Variants in SETD6 observed in about 807,000 individuals in gnomAD.
SETD6 encodes the protein SET domain containing 6, protein lysine methyltransferase, also known as N-lysine methyltransferase SETD6.
SETD6 carries 67 observed loss-of-function variants against 52.7 expected under a neutral mutation model. That is an observed-to-expected ratio of 1.27 (90% confidence interval 1.04 to 1.56). The LOEUF (loss-of-function observed/expected upper bound fraction) is 1.56, where lower values mean the gene tolerates loss of function less well. SETD6 is among the 40% of genes most tolerant of loss of function. The pLI, the probability that SETD6 is intolerant of heterozygous loss-of-function variation, is 0.00. For missense variants in SETD6, 712 were observed against 607.5 expected, an observed-to-expected ratio of 1.17 and a Z score of -1.81; for synonymous variants, 307 against 250.2, an observed-to-expected ratio of 1.23 and a Z score of -2.14.
Position 58,516,466 on chromosome 16 carries a change from G to A in SETD6, c.477-12G>A. 6.2e-7 allele frequency: 1 copy of A among 1,613,804 alleles called. No individual in the cohort carries two copies. ...AGGAATGAAGGGAACCTGGGTGTGG[G>A]TGTCCCTGCAGGCCAGAGGAGGAGC... On this transcript the variant is annotated splice_polypyrimidine_tract_variant and intron_variant, in intron 3 of 7. Coordinates refer to ENST00000219315, the MANE Select transcript of SETD6 (RefSeq NM_001160305.4).
At position 58,522,150 on chromosome 16, in the gene SETD6, T is replaced by G. The variant is rs1366077762; in HGVS notation, c.*3121T>G. 6.9e-6 allele frequency among the ~76,000 whole-genome samples: 1 copy of G among 145,790 alleles called. No homozygotes were observed. The highest frequency in any genetic ancestry group is 2.0e-4 in the East Asian group (1 of 4,996). On this transcript the variant is annotated 3_prime_UTR_variant, in exon 8 of 8. Transcript: ENST00000219315. ...CTGGCCAAGATGGTGAAACCCCGTC[T>G]CTACTAAAAATACAAAAAATTAGCC...
intron 5 of SETD6, 104 bp from the exon 6 acceptor site, chr16:58,517,947 G>C: frequency 1.4e-6 from 2 of 1,422,898 alleles, no homozygotes; most frequent in East Asian, 4.7e-5. Context: ...AACAGCATCA[G>C]TCATGGCTGA....
At chr16:58,516,437 G>T in intron 3 of SETD6, 41 bp from the exon 4 acceptor site, 1 of 1,613,366 alleles carries the variant, frequency 6.2e-7, no homozygotes, top group East Asian at 2.2e-5. Flanking sequence ...AGTAAAGTGT[G>T]TGAAGGAATG....
intron 2 of SETD6, 48 bp from the exon 3 acceptor site, chr16:58,516,154 C>T (rs1014523575): frequency 4.0e-5 from 54 of 1,346,170 alleles, no homozygotes; most frequent in Non-Finnish European, 2.7e-5. Flanking sequence ...CGGGGCGGGC[C>T]CGGCCCGCGA....
In SETD6 at chr16:58,516,308, G is replaced by C. The variant is rs1485826231; in HGVS notation, c.441G>C (p.Trp147Cys). ...ASRWRPYFALWPELGRLEHPM... is the reference protein window; with the variant it reads ...ASRWRPYFALCPELGRLEHPM... ...GCTGGAGGCCCTACTTTGCGCTCTG[G>C]CCCGAGCTGGGCCGCTTGGAGCACC... Residue 147 changes from tryptophan to cysteine, a missense_variant, in exon 3 of 8, where the codon TGG (tryptophan) becomes TGC (cysteine). Coordinates refer to ENST00000219315, the MANE Select transcript of SETD6 (RefSeq NM_001160305.4). 1 of 1,606,610 alleles carries C rather than the reference G, an allele frequency of 6.2e-7. No individual in the cohort carries two copies. The highest frequency in any genetic ancestry group is 2.2e-5 in the East Asian group (1 of 44,866).
rs1234729756 is a variant in SETD6 at position 58,521,691 on chromosome 16, G to A, written c.*2662G>A. Among the ~76,000 whole-genome samples the A allele has an allele frequency of 6.6e-6, 1 of 152,194 alleles. No individual in the cohort carries two copies. Among genetic ancestry groups the A allele is most frequent in the African/African-American group, 2.4e-5 (1 of 41,446 alleles). On this transcript the variant is annotated 3_prime_UTR_variant, in exon 8 of 8. Transcript: ENST00000219315. ...TCCCAGGCCGGGCACAGTGGCTCAT[G>A]CCTGTAATCCAGCACTTTGGGAGGC... is the stretch of plus-strand genomic sequence containing the variant.
chr16:58,520,739 G>A lies in SETD6; in HGVS notation c.*1710G>A. ...ACACAAGTTCAAAATGATATTCACA[G>A]CATCTTCTAAATTTTGGCCAAGAGT... On this transcript the variant is annotated 3_prime_UTR_variant, in exon 8 of 8. Transcript: ENST00000219315. 3.5e-6 allele frequency: 2 copies of A among 566,758 alleles called. No homozygotes were observed. Among genetic ancestry groups the A allele is most frequent in the Admixed American group, 3.0e-5 (1 of 33,130 alleles). The allele number at this position is 566,758 out of a possible 1,614,324, so 35.1% of individuals were successfully genotyped here.
rs185015048 is a variant in SETD6, at chr16:58,521,515, T to C, written c.*2486T>C. ...TGGGTTTGAACCCTGCTCTTAGCCG[T>C]AGAAGACTAAGTATTTATATAAAGT... On this transcript the variant is annotated 3_prime_UTR_variant, in exon 8 of 8. Coordinates refer to ENST00000219315, the MANE Select transcript of SETD6 (RefSeq NM_001160305.4). Among the ~76,000 whole-genome samples the C allele has an allele frequency of 6.6e-6, 1 of 152,350 alleles. No individual in the cohort carries two copies. The highest frequency in any genetic ancestry group is 1.9e-4 in the East Asian group (1 of 5,186).
intron 3 of SETD6, 53 bp downstream of exon 3, chr16:58,516,396 A>AGC: frequency 6.2e-7 from 1 of 1,612,346 alleles, no homozygotes; most frequent in Non-Finnish European, 8.5e-7. Context: ...CTGCTGCAAG[A>AGC]AGTTTCCCCG....
rs374388040 is a variant in SETD6, at chr16:58,515,552, G to C, written c.15G>C (p.Ala5=). The change falls in exon 1 of 8, where the codon GCG becomes GCC. Residue 5 remains alanine, a synonymous_variant. Coordinates refer to ENST00000219315, the MANE Select transcript of SETD6 (RefSeq NM_001160305.4). ...GCTCTTAGACCATGGCGACCCAGGCGAAGCGTCCACGGGTGAGTGGCGGGC... is the reference window on the plus strand; with the variant it reads ...GCTCTTAGACCATGGCGACCCAGGCCAAGCGTCCACGGGTGAGTGGCGGGC... The part of the protein sequence containing the change: MATQ[A]KRPRVAGPVD... The C allele has an allele frequency of 6.9e-6, 11 of 1,588,946 alleles. No individual in the cohort carries two copies. Among genetic ancestry groups the C allele is most frequent in the Non-Finnish European group, 9.4e-6 (11 of 1,171,844 alleles).
In SETD6 at chr16:58,519,271, TCA is replaced by T; in HGVS notation, c.*243_*244del. 4.2e-6 allele frequency: 2 copies of T among 470,822 alleles called. No individual in the cohort carries two copies. Among genetic ancestry groups the T allele is most frequent in the East Asian group, 3.9e-5 (1 of 25,818 alleles). The allele number at this position is 470,822 out of a possible 1,614,324, so 29.2% of individuals were successfully genotyped here. ...AAAGCATGTTACAGATGTTTTGTTC[TCA>T]GTTTTAACCAAAGCCAGTGGACATA... is the stretch of plus-strand genomic sequence containing the variant. On this transcript the variant is annotated 3_prime_UTR_variant, in exon 8 of 8. Transcript: ENST00000219315.
rs1247876648 is a variant in SETD6, at chr16:58,522,052, ACT to A, written c.*3025_*3026del. On this transcript the variant is annotated 3_prime_UTR_variant, in exon 8 of 8. Transcript: ENST00000219315. ...CTAACACTGCAGGCTGGGCACAGTGACTCACGCCTGTAATCCCAGCACTCTGG... is the reference window on the plus strand; with the variant it reads ...CTAACACTGCAGGCTGGGCACAGTGACACGCCTGTAATCCCAGCACTCTGG... 6.6e-5 allele frequency among the ~76,000 whole-genome samples: 10 copies of A among 150,864 alleles called. No homozygotes were observed. The East Asian group carries it at 2.0e-3, about 30-fold the overall frequency.
Position 58,518,400 on chromosome 16 carries a change from G to A in SETD6, c.974-1G>A. 1 of 1,580,312 alleles carries A rather than the reference G, an allele frequency of 6.3e-7. No homozygotes were observed. The highest frequency in any genetic ancestry group is 8.6e-7 in the Non-Finnish European group (1 of 1,168,656). On this transcript the variant is annotated splice_acceptor_variant, in intron 6 of 7. Coordinates refer to ENST00000219315, the MANE Select transcript of SETD6 (RefSeq NM_001160305.4). LOFTEE classifies it high-confidence loss of function. Reference sequence around the variant, plus strand: ...CTTTCACATTGCTGTTTCATCTACAGGAACAAAAACTGAAGCTGAAAGGCA... The same window carrying A: ...CTTTCACATTGCTGTTTCATCTACAAGAACAAAAACTGAAGCTGAAAGGCA...
intron 4 of SETD6, 67 bp downstream of exon 4, chr16:58,516,739 A>G (rs2039173185): frequency 1.2e-6 from 2 of 1,609,554 alleles, no homozygotes; most frequent in African/African-American, 1.3e-5. Flanking sequence ...ACAAAAGTGG[A>G]AAAACAGTGA....
rs754625732 is a variant in SETD6 at position 58,518,927 on chromosome 16, T to A, written c.1320T>A (p.Asn440Lys). ...DLKTDQGLLS[N>K]KEVYAKLSWR... ...AAACTGACCAAGGTTTACTCAGTAA[T>A]AAGGAAGTCTATGCGAAACTCAGCT... Residue 440 changes from asparagine (N) to lysine (K), a missense_variant, in exon 8 of 8, where the codon AAT becomes AAA. Transcript: ENST00000219315. 2 of 1,614,160 alleles carry A rather than the reference T, an allele frequency of 1.2e-6. No homozygotes were observed. The highest frequency in any genetic ancestry group is 3.3e-5 in the Admixed American group (2 of 60,028).
In SETD6 at chr16:58,521,637, T is replaced by A. The variant is rs1482827191; in HGVS notation, c.*2608T>A. ...CAGAGTACATGGCACACAAAGTTAG[T>A]ACAAAAAGTAGTAATTTCCAGAATG... On this transcript the variant is annotated 3_prime_UTR_variant, in exon 8 of 8. Transcript: ENST00000219315. 6.6e-6 allele frequency among the ~76,000 whole-genome samples: 1 copy of A among 152,210 alleles called. No individual in the cohort carries two copies. Among genetic ancestry groups the A allele is most frequent in the Admixed American group, 6.5e-5 (1 of 15,286 alleles).
At position 58,521,111 on chromosome 16, in the gene SETD6, C is replaced by A. The variant is rs1446486238; in HGVS notation, c.*2082C>A. ...AATACCTTGCATCTCATTCAGCTGA[C>A]CCAACCTAGAGACAGATGGTTTTCA... On this transcript the variant is annotated 3_prime_UTR_variant, in exon 8 of 8. Coordinates refer to ENST00000219315, the MANE Select transcript of SETD6 (RefSeq NM_001160305.4). 1.5e-5 allele frequency: 24 copies of A among 1,613,188 alleles called. No homozygotes were observed. The highest frequency in any genetic ancestry group is 2.0e-5 in the Non-Finnish European group (23 of 1,179,382).
intron 7 of SETD6, 29 bp downstream of exon 7, chr16:58,518,572 C>T (rs764637022): frequency 1.3e-5 from 21 of 1,591,214 alleles, no homozygotes; most frequent in Non-Finnish European, 1.8e-5. Context: ...CCATTTAATG[C>T]TGATAATCTA....
rs763507983 is a variant in SETD6, at chr16:58,518,861, CAG to C, written c.1255_1256del (p.Ser419CysfsTer15). 2 of 1,614,062 alleles carry C rather than the reference CAG, an allele frequency of 1.2e-6. No individual in the cohort carries two copies. The highest frequency in any genetic ancestry group is 2.2e-5 in the East Asian group (1 of 44,898). ...CATCGTGGAGACAGCTGCTTCAAAA[CAG>C]TGTTCTACTGACTTTGCAGACCTAT... is the stretch of plus-strand genomic sequence containing the variant. ...KASWRQLLQN[S>X]VLLTLQTYAT... On this transcript the variant is annotated frameshift_variant, in exon 8 of 8. Transcript: ENST00000219315. LOFTEE classifies it high-confidence loss of function.
Sources: gnomAD v4.1 joint callset for allele counts (sites outside exome capture counted in the v4.1 genomes callset) on GRCh38, gnomAD v4.1.1 for gene constraint, MANE v1.5 for transcripts, NCBI Gene and HGNC (gene_info 2026-07-23, HGNC 2026-07-21) for gene names.